C1QTNF3: variants seen among roughly 807,000 people sequenced by gnomAD.
C1QTNF3 encodes the protein C1q and TNF related 3.
In C1QTNF3, 26 loss-of-function variants were observed where a neutral mutation model predicts 32.6. The ratio of observed to expected loss-of-function variants is 0.80; its 90% CI spans 0.58 to 1.11. The LOEUF is 1.11. Ranked by LOEUF, C1QTNF3 falls within the 50% of genes least tolerant of loss-of-function variation. The pLI, the probability that C1QTNF3 is intolerant of heterozygous loss-of-function variation, is 0.00. For missense variants in C1QTNF3, 362 were observed against 398.2 expected, an observed-to-expected ratio of 0.91 and a Z score of 0.77; for synonymous variants, 155 against 146.0, an observed-to-expected ratio of 1.06 and a Z score of -0.44.
chr5:34,146,245 G>A, the C1QTNF3 span, among the ~76,000 whole-genome samples: 1 of 152,122 alleles, frequency 6.6e-6, no homozygotes, highest in Non-Finnish European at 1.5e-5. Flanking sequence ...TCATGGATAG[G>A]AAGAATCAAT....
chr5:34,042,803 T>C lies in C1QTNF3; in HGVS notation c.303+20A>G, dbSNP rs753383673. The C allele has an allele frequency of 3.8e-6, 6 of 1,597,094 alleles. No homozygotes were observed. Among genetic ancestry groups the C allele is most frequent in the Non-Finnish European group, 5.1e-6 (6 of 1,171,816 alleles). ...CTCATTAAGCTTTCACAAAAATCCT[T>C]AGAAGAGAATTCTGAGTACCTGGCC... is the stretch of plus-strand genomic sequence containing the variant. On this transcript the variant is annotated intron_variant, in intron 1 of 5. Transcript: ENST00000382065.
At chr5:34,211,201 T>G in the C1QTNF3 span, among the ~76,000 whole-genome samples, 1 of 151,718 alleles carries the variant, frequency 6.6e-6, no homozygotes, top group Non-Finnish European at 1.5e-5. Context: ...TTTAAAAAAG[T>G]AAATGTTATA....
the C1QTNF3 span, chr5:34,169,001 A>T: frequency 6.6e-6 from 1 of 152,142 alleles, no homozygotes; most frequent in Non-Finnish European, 1.5e-5. Context: ...AAGGCTTGAA[A>T]GAGGGAGTTT....
At chr5:34,093,720 A>G in the C1QTNF3 span, among the ~76,000 whole-genome samples, 2 of 150,490 alleles carry the variant, frequency 1.3e-5, no homozygotes, top group East Asian at 3.9e-4. Flanking sequence ...CCCTAGCCTA[A>G]TTGGTTTTCT....
At chr5:34,207,992 G>A in the C1QTNF3 span, among the ~76,000 whole-genome samples, 5 of 152,008 alleles carry the variant, frequency 3.3e-5, no homozygotes, top group East Asian at 1.9e-4. Flanking sequence ...GGGTTTCACC[G>A]TGTTACCCAC....
chr5:34,128,710 C>T, the C1QTNF3 span, among the ~76,000 whole-genome samples: 1 of 152,182 alleles, frequency 6.6e-6, no homozygotes, highest in Non-Finnish European at 1.5e-5. Flanking sequence ...TTGTTTTGAC[C>T]AATTTCTCCC....
At chr5:34,108,535 A>T in the C1QTNF3 span, among the ~76,000 whole-genome samples, 1 of 152,128 alleles carries the variant, frequency 6.6e-6, no homozygotes, top group Non-Finnish European at 1.5e-5. Context: ...TTAAAAGTAC[A>T]CGGACAACAG....
Position 34,018,402 on chromosome 5 carries a change from C to T in C1QTNF3, c.*2181G>A, listed in dbSNP as rs1174458057. On this transcript the variant is annotated 3_prime_UTR_variant, in exon 6 of 6. Coordinates refer to ENST00000382065, the MANE Select transcript of C1QTNF3 (RefSeq NM_181435.6). ...ATTCCTAGCCCTTTGCCTTCTATGG[C>T]TGTAAAAACATTCTACTTTATGTTT... 6.6e-6 allele frequency among the ~76,000 whole-genome samples: 1 copy of T among 152,172 alleles called. No individual in the cohort carries two copies.
the C1QTNF3 span, chr5:34,166,135 T>G: frequency 2.6e-5 from 4 of 151,732 alleles, no homozygotes; most frequent in Non-Finnish European, 5.9e-5. Context: ...TTTTCTATAA[T>G]ATTTCATTTT....
the C1QTNF3 span, among the ~76,000 whole-genome samples, chr5:34,117,821 A>G: frequency 1.3e-5 from 2 of 152,262 alleles, no homozygotes; most frequent in East Asian, 1.9e-4. Flanking sequence ...CTTCACTCCA[A>G]TGTAGTATGC....
At chr5:34,230,728 T>C in the C1QTNF3 span, among the ~76,000 whole-genome samples, 1 of 152,166 alleles carries the variant, frequency 6.6e-6, no homozygotes, top group Admixed American at 6.6e-5. Flanking sequence ...TCACTAGTAA[T>C]GACTGTAGTG....
At chr5:34,077,052 T>C in the C1QTNF3 span, among the ~76,000 whole-genome samples, 1 of 151,828 alleles carries the variant, frequency 6.6e-6, no homozygotes, top group Non-Finnish European at 1.5e-5. Context: ...AGGAACAGTC[T>C]TCAATTAAAC....
the C1QTNF3 span, among the ~76,000 whole-genome samples, chr5:34,056,511 G>T: frequency 7.1e-6 from 1 of 141,634 alleles, no homozygotes; most frequent in Middle Eastern, 3.7e-3. Flanking sequence ...GAGAGAGAGA[G>T]AGAGAGAGAG....
the C1QTNF3 span, among the ~76,000 whole-genome samples, chr5:34,195,696 C>T: frequency 2.6e-5 from 4 of 152,352 alleles, no homozygotes; most frequent in Non-Finnish European, 5.9e-5. Flanking sequence ...AAAAAATTAG[C>T]CGGGCGCAGT....
rs2112126499 is a variant in C1QTNF3, at chr5:34,042,882, C to T, written c.244G>A (p.Asp82Asn). The T allele has an allele frequency of 1.2e-6, 2 of 1,614,154 alleles. No homozygotes were observed. The highest frequency in any genetic ancestry group is 1.7e-4 in the Middle Eastern group (1 of 6,060). The change falls in exon 1 of 6, where the codon GAT becomes AAT. Residue 82 changes from aspartate (D) to asparagine (N), a missense_variant. Asp to Asn is a conservative substitution (Grantham distance 23, BLOSUM62 1). Coordinates refer to ENST00000382065, the MANE Select transcript of C1QTNF3 (RefSeq NM_181435.6). ...TCTACCTCGGGGTGCGGTAGCTCAT[C>T]TGGTCTCAGGGATTTTAGGTCTGTA... is the stretch of plus-strand genomic sequence containing the variant. ...TSTDLKSLRP[D>N]ELPHPEVDDL...
the C1QTNF3 span, chr5:34,200,998 G>A: frequency 6.6e-6 from 1 of 151,918 alleles, no homozygotes; most frequent in Non-Finnish European, 1.5e-5. Context: ...TATATGGCAA[G>A]AATCTCTTTG....
the C1QTNF3 span, among the ~76,000 whole-genome samples, chr5:34,136,343 A>T: frequency 1.3e-5 from 2 of 151,442 alleles, no homozygotes; most frequent in Non-Finnish European, 2.9e-5. Flanking sequence ...GGCAAAGGAA[A>T]CGAACAGACA....
the C1QTNF3 span, among the ~76,000 whole-genome samples, chr5:34,219,199 CTGT>C: frequency 2.0e-5 from 3 of 151,954 alleles, no homozygotes; most frequent in Non-Finnish European, 4.4e-5. Context: ...TGTGCTCTGG[CTGT>C]TGTTACAACC....
At chr5:34,164,681 G>C in the C1QTNF3 span, 1 of 151,870 alleles carries the variant, frequency 6.6e-6, no homozygotes, top group African/African-American at 2.4e-5. Context: ...AAATGGAAGA[G>C]ACAGACTAAC....
Sources: allele counts gnomAD v4.1 joint callset (sites outside exome capture counted in the v4.1 genomes callset), GRCh38; gene constraint gnomAD v4.1.1; transcripts MANE v1.5; gene names NCBI Gene and HGNC (gene_info 2026-07-23, HGNC 2026-07-21).